PLD1: variants seen among roughly 807,000 people sequenced by gnomAD.
PLD1 encodes choline phosphatase 1.
PLD1 carries 112 observed loss-of-function variants against 137.1 expected under a neutral mutation model. The ratio of observed to expected loss-of-function variants is 0.82; its 90% confidence interval spans 0.70 to 0.96. The LOEUF (loss-of-function observed/expected upper bound fraction) is 0.96, where lower values mean the gene tolerates loss of function less well. Ranked by LOEUF, PLD1 falls within the 40% of genes least tolerant of loss-of-function variation. The probability of loss-of-function intolerance (pLI) is 0.00; values close to 1 mark genes in which losing one functional copy is unlikely to be tolerated. For missense variants in PLD1, 1,321 were observed against 1,342.0 expected, an observed-to-expected ratio of 0.98 and a Z score of 0.24; for synonymous variants, 431 against 454.7, an observed-to-expected ratio of 0.95 and a Z score of 0.66.
chr3:171,795,138 T>G (rs548498305), intron 1 of PLD1, among the ~76,000 whole-genome samples: 13 of 152,360 alleles, frequency 8.5e-5, no homozygotes, highest in African/African-American at 3.1e-4. Flanking sequence ...AACTTGCTTC[T>G]TATTCCTGCA....
At chr3:171,697,237 C>CA (rs1715794860) in intron 12 of PLD1, among the ~76,000 whole-genome samples, 1 of 97,316 alleles carries the variant, frequency 1.0e-5, no homozygotes, top group Non-Finnish European at 2.1e-5. Flanking sequence ...TTCCGGACAC[C>CA]TTTTTTTTTT....
chr3:171,804,073 A>AT (rs548515902), intron 1 of PLD1, among the ~76,000 whole-genome samples: 13 of 151,012 alleles, frequency 8.6e-5, no homozygotes, highest in South Asian at 2.1e-4. Context: ...CATCATCTTC[A>AT]TTTTTTTTTC....
chr3:171,716,601 C>G (rs1427217877), intron 8 of PLD1, among the ~76,000 whole-genome samples: 3 of 151,812 alleles, frequency 2.0e-5, no homozygotes, highest in East Asian at 3.8e-4. Flanking sequence ...TGTTTTTTTG[C>G]TTGTAAATTT....
chr3:171,674,467 T>C, intron 19 of PLD1, 33 bp downstream of exon 19: 1 of 1,149,700 alleles, frequency 8.7e-7, no homozygotes, highest in Non-Finnish European at 1.3e-6. Context: ...CTCAGTAGCA[T>C]TTTGTCAAAA....
chr3:171,610,910 A>G (rs1446704752), intron 25 of PLD1, among the ~76,000 whole-genome samples: 1 of 152,242 alleles, frequency 6.6e-6, no homozygotes, highest in Admixed American at 6.5e-5. Flanking sequence ...ACTTAGACAG[A>G]GACAGCAGAA....
At chr3:171,621,978 T>C (rs1018418251) in intron 23 of PLD1, among the ~76,000 whole-genome samples, 1 of 152,200 alleles carries the variant, frequency 6.6e-6, no homozygotes, top group African/African-American at 2.4e-5. Context: ...TTCTCATCCT[T>C]TCACAGTGCT....
At chr3:171,674,419 C>A in intron 19 of PLD1, 81 bp downstream of exon 19, 1 of 603,872 alleles carries the variant, frequency 1.7e-6, no homozygotes, top group Non-Finnish European at 2.9e-6. Flanking sequence ...AATCTGAAGC[C>A]AATGTAATAG....
At chr3:171,659,430 A>C in intron 20 of PLD1, 129 bp from the exon 21 acceptor site, 1 of 612,596 alleles carries the variant, frequency 1.6e-6, no homozygotes, top group Non-Finnish European at 2.8e-6. Context: ...AAATCACATC[A>C]AGAAAGTCAA....
intron 23 of PLD1, among the ~76,000 whole-genome samples, chr3:171,630,660 T>C: frequency 7.2e-6 from 1 of 139,750 alleles, no homozygotes; most frequent in East Asian, 2.0e-4. Context: ...GTGGCACATA[T>C]ACACCATGGA....
chr3:171,691,102 T>G (rs897375573), intron 13 of PLD1, among the ~76,000 whole-genome samples: 1 of 152,226 alleles, frequency 6.6e-6, no homozygotes, highest in Admixed American at 6.5e-5. Context: ...TAAAGTCTAT[T>G]TTGTCTGATA....
rs3050440 is a variant in PLD1, at chr3:171,651,323, G to GGT, written c.2430-6302_2430-6301dup. Among the ~76,000 whole-genome samples the GGT allele has an allele frequency of 3.4e-3, 512 of 150,378 alleles. 1 individual carries two copies. Among genetic ancestry groups the GGT allele is most frequent in the South Asian group, 9.1e-3 (43 of 4,712 alleles). ...AGGAAGAATTGTGGTTAGGGCTTAG[G>GGT]GTGTGTGTGTGTGTGTGTGTGTGTG... On this transcript the variant is annotated intron_variant, in intron 21 of 26. Transcript: ENST00000351298.
At chr3:171,647,110 T>C (rs986615828) in intron 21 of PLD1, among the ~76,000 whole-genome samples, 1 of 152,250 alleles carries the variant, frequency 6.6e-6, no homozygotes, top group African/African-American at 2.4e-5. Context: ...CTCTCTAGGC[T>C]ATGTGATAAG....
rs552240229 is a variant in PLD1 at position 171,789,495 on chromosome 3, C to T, written c.-32+20904G>A. The T allele has an allele frequency of 1.6e-4, 24 of 152,300 alleles. No homozygotes were observed. In the East Asian group the frequency reaches 4.6e-3, roughly 29 times the overall value. The allele number at this position is 152,300 out of a possible 1,614,324, so 9.4% of individuals were successfully genotyped here. A position where few individuals can be genotyped will look rare whatever the true frequency, so the allele number is the denominator to read the frequency against. On this transcript the variant is annotated intron_variant, in intron 1 of 26. Transcript: ENST00000351298. ...GGTACACGAAGTCAGCAGTATTCCT[C>T]AGATAAGAGCCCCTTTGGGCAGTGG... is the stretch of plus-strand genomic sequence containing the variant.
At chr3:171,764,867 GAAAGAAAGAAAGAAA>G (rs1721733677) in intron 1 of PLD1, among the ~76,000 whole-genome samples, 1 of 24,224 alleles carries the variant, frequency 4.1e-5, no homozygotes, top group African/African-American at 1.7e-4. Flanking sequence ...AAGAAAGAAA[GAAAGAAAGAAAGAAA>G]GAAAGAAAGA....
At chr3:171,714,549 T>C (rs985063028) in intron 8 of PLD1, among the ~76,000 whole-genome samples, 4 of 152,222 alleles carry the variant, frequency 2.6e-5, no homozygotes, top group African/African-American at 9.6e-5. Context: ...CTCTAGGCAC[T>C]TCCACATTAT....
intron 6 of PLD1, among the ~76,000 whole-genome samples, chr3:171,733,189 A>G (rs1719079693): frequency 6.6e-6 from 1 of 152,254 alleles, no homozygotes; most frequent in African/African-American, 2.4e-5. Flanking sequence ...TCTAGCCTAT[A>G]GCAGGATTTC....
chr3:171,750,410 A>C (rs1354564663), intron 1 of PLD1, among the ~76,000 whole-genome samples: 1 of 152,210 alleles, frequency 6.6e-6, no homozygotes, highest in African/African-American at 2.4e-5. Context: ...TACTTTAAAA[A>C]TCTAACAAGC....
intron 12 of PLD1, among the ~76,000 whole-genome samples, chr3:171,695,173 A>C (rs760856435): frequency 8.5e-5 from 13 of 152,214 alleles, no homozygotes; most frequent in Non-Finnish European, 1.6e-4. Flanking sequence ...AGGTTGTTAT[A>C]GTGTAGGCTT....
At chr3:171,719,776 T>A (rs1717956838) in intron 8 of PLD1, among the ~76,000 whole-genome samples, 1 of 152,200 alleles carries the variant, frequency 6.6e-6, no homozygotes, top group Admixed American at 6.5e-5. Context: ...TTTAAGCAGA[T>A]GTTTTAGATT....
Sources: gnomAD v4.1 joint callset for allele counts (sites outside exome capture counted in the v4.1 genomes callset) on GRCh38, gnomAD v4.1.1 for gene constraint, MANE v1.5 for transcripts, NCBI Gene and HGNC (gene_info 2026-07-23, HGNC 2026-07-21) for gene names.